The following NCAM2 variants were observed in gnomAD, a reference collection of about 807,000 sequenced individuals.
NCAM2 encodes N-CAM-2.
A neutral mutation model predicts 98.1 loss-of-function variants in NCAM2; 30 were observed. The observed-to-expected ratio is 0.31, with a 90% confidence interval of 0.23 to 0.41. The LOEUF (loss-of-function observed/expected upper bound fraction) is 0.41, where lower values mean the gene tolerates loss of function less well. Ranked by LOEUF, NCAM2 falls within the 10% of genes least tolerant of loss-of-function variation. The pLI is 1.00. For synonymous variants in NCAM2, 368 were observed against 342.4 expected, an observed-to-expected ratio of 1.07 and a Z score of -0.83; for missense variants, 867 against 1,005.8, an observed-to-expected ratio of 0.86 and a Z score of 1.87.
chr21:21,494,037 CAGTG>C (rs1352032847), intron 15 of NCAM2, among the ~76,000 whole-genome samples: 3 of 151,864 alleles, frequency 2.0e-5, no homozygotes, highest in Non-Finnish European at 4.4e-5. Flanking sequence ...AGATAGAATG[CAGTG>C]AGTATCTAAA....
At chr21:21,284,539 G>A (rs756819204) in intron 3 of NCAM2, 139 bp downstream of exon 3, 10 of 671,998 alleles carry the variant, frequency 1.5e-5, no homozygotes, top group Admixed American at 2.6e-5. Context: ...CTTTACCAGA[G>A]TGTATCTTAG....
chr21:21,049,582 T>G (rs2065066109), intron 1 of NCAM2, among the ~76,000 whole-genome samples: 1 of 151,980 alleles, frequency 6.6e-6, no homozygotes, highest in African/African-American at 2.4e-5. Flanking sequence ...CCTTTTAATA[T>G]TGTTGTTAGC....
intron 6 of NCAM2, among the ~76,000 whole-genome samples, chr21:21,326,825 T>C (rs2074524333): frequency 6.6e-6 from 1 of 151,214 alleles, no homozygotes; most frequent in Non-Finnish European, 1.5e-5. Flanking sequence ...GGTTGTAACG[T>C]TAACGAAGGT....
intron 1 of NCAM2, among the ~76,000 whole-genome samples, chr21:21,201,767 C>A (rs1332250755): frequency 6.6e-6 from 1 of 152,134 alleles, no homozygotes; most frequent in Non-Finnish European, 1.5e-5. Context: ...GCAGTCACTC[C>A]AGATTTTCTT....
chr21:21,189,930 C>T (rs957718167), intron 1 of NCAM2, among the ~76,000 whole-genome samples: 1 of 152,106 alleles, frequency 6.6e-6, no homozygotes, highest in African/African-American at 2.4e-5. Flanking sequence ...TGGTGTCTGC[C>T]TAGTTACTCA....
At chr21:21,430,403 T>TATATATATATA (rs71195328) in intron 11 of NCAM2, among the ~76,000 whole-genome samples, 31 of 146,622 alleles carry the variant, frequency 2.1e-4, no homozygotes, top group South Asian at 4.4e-4. Flanking sequence ...TTTATATATA[T>TATATATATATA]TAGCCCATTC....
chr21:21,402,294 G>T (rs540546022), intron 9 of NCAM2, among the ~76,000 whole-genome samples: 1 of 152,070 alleles, frequency 6.6e-6, no homozygotes, highest in Non-Finnish European at 1.5e-5. Context: ...CCTAGGAAAA[G>T]AATTGCATTC....
chr21:21,344,948 G>T (rs1253157245), intron 8 of NCAM2, among the ~76,000 whole-genome samples: 1 of 152,072 alleles, frequency 6.6e-6, no homozygotes, highest in Non-Finnish European at 1.5e-5. Context: ...GACTGTGTTT[G>T]GGAGAAAGTA....
At chr21:21,292,664 C>CATT (rs1306183960) in intron 5 of NCAM2, among the ~76,000 whole-genome samples, 5 of 151,824 alleles carry the variant, frequency 3.3e-5, no homozygotes, top group African/African-American at 1.2e-4. Context: ...TATTAATGGA[C>CATT]ATTAGTGACT....
At chr21:21,409,777 A>G (rs142442788) in intron 9 of NCAM2, among the ~76,000 whole-genome samples, 4 of 152,324 alleles carry the variant, frequency 2.6e-5, no homozygotes, top group African/African-American at 7.2e-5. Context: ...AAGTATTCAA[A>G]TGACATATAT....
intron 15 of NCAM2, among the ~76,000 whole-genome samples, chr21:21,489,989 T>C (rs1986713187): frequency 6.6e-6 from 1 of 152,084 alleles, no homozygotes; most frequent in Non-Finnish European, 1.5e-5. Flanking sequence ...TCAGTTTAAA[T>C]CTAATTTTAT....
chr21:21,418,923 A>T (rs2145959187), intron 11 of NCAM2, among the ~76,000 whole-genome samples: 1 of 152,324 alleles, frequency 6.6e-6, no homozygotes, highest in Admixed American at 6.5e-5. Context: ...AAGAACAGAC[A>T]TGCCAGTTAC....
In NCAM2 at chr21:21,119,501, G is replaced by T. The variant is rs377135364; in HGVS notation, c.55+120883G>T. 3.9e-5 allele frequency among the ~76,000 whole-genome samples: 6 copies of T among 152,122 alleles called. No individual in the cohort carries two copies. In the East Asian group the frequency reaches 5.8e-4, roughly 15 times the overall value. Reference sequence around the variant, plus strand: ...CTTAAGTTTATGGGAAGCAGTAATTGCTCTGCAGCTAATATATTTTTGTTA... The same window carrying T: ...CTTAAGTTTATGGGAAGCAGTAATTTCTCTGCAGCTAATATATTTTTGTTA... On this transcript the variant is annotated intron_variant, in intron 1 of 17. Transcript: ENST00000400546.
intron 1 of NCAM2, among the ~76,000 whole-genome samples, chr21:21,174,992 A>G (rs998245419): frequency 6.6e-6 from 1 of 152,168 alleles, no homozygotes; most frequent in Non-Finnish European, 1.5e-5. Context: ...ATGGATAATT[A>G]TTTCTAGAAC....
chr21:21,385,525 G>A (rs527852579), intron 9 of NCAM2: 48 of 585,382 alleles, frequency 8.2e-5, no homozygotes, highest in African/African-American at 3.5e-4. Context: ...GATAGAAGCC[G>A]CATTTACTGT....
intron 1 of NCAM2, among the ~76,000 whole-genome samples, chr21:21,114,797 A>AT (rs2066520374): frequency 6.6e-6 from 1 of 150,808 alleles, no homozygotes; most frequent in Admixed American, 6.6e-5. Context: ...AACAAACCTG[A>AT]TTCGCTCATT....
At chr21:21,166,269 G>A (rs183512832) in intron 1 of NCAM2, among the ~76,000 whole-genome samples, 14 of 152,200 alleles carry the variant, frequency 9.2e-5, no homozygotes, top group Admixed American at 2.6e-4. Context: ...GTGCAGTGGC[G>A]CCATCTCAGC....
At chr21:21,008,738 G>T (rs1228764082) in intron 1 of NCAM2, among the ~76,000 whole-genome samples, 1 of 152,076 alleles carries the variant, frequency 6.6e-6, no homozygotes, top group Non-Finnish European at 1.5e-5. Context: ...TTTGGACTGG[G>T]TTTATAAGAT....
At chr21:21,059,045 TTTC>T (rs973645525) in intron 1 of NCAM2, among the ~76,000 whole-genome samples, 18 of 152,130 alleles carry the variant, frequency 1.2e-4, no homozygotes, top group Non-Finnish European at 1.9e-4. Flanking sequence ...AATAGACATT[TTTC>T]TTTTAAAGCA....
Sources: allele counts gnomAD v4.1 joint callset (sites outside exome capture counted in the v4.1 genomes callset), GRCh38; gene constraint gnomAD v4.1.1; transcripts MANE v1.5; gene names NCBI Gene and HGNC (gene_info 2026-07-23, HGNC 2026-07-21).